Variants in LRFN5 observed in about 807,000 individuals in gnomAD.
LRFN5 encodes leucine-rich repeat and fibronectin type-III domain-containing protein 5.
Under a neutral mutation model 45.6 loss-of-function variants are expected in LRFN5, and 24 were observed. The observed-to-expected ratio is 0.53, with a 90% confidence interval of 0.38 to 0.74. The LOEUF (loss-of-function observed/expected upper bound fraction) is 0.74. LRFN5 is among the 30% of genes least tolerant of loss of function. The pLI is 0.00. For synonymous variants in LRFN5, 340 were observed against 313.8 expected (o/e 1.08, Z -0.88); for missense variants, 776 against 861.5 (o/e 0.90, Z 1.24).
chr14:41,643,211 G>A (rs548945555), intron 1 of LRFN5, among the ~76,000 whole-genome samples: 6 of 151,910 alleles, frequency 3.9e-5, no homozygotes, highest in Non-Finnish European at 5.9e-5. Context: ...AAGAGAAAAA[G>A]GTATAAATAG....
intron 1 of LRFN5, among the ~76,000 whole-genome samples, chr14:41,656,924 A>G (rs745380874): frequency 6.6e-6 from 1 of 151,854 alleles, no homozygotes; most frequent in African/African-American, 2.4e-5. Flanking sequence ...ATTTTTTTAT[A>G]TCATTTTACC....
chr14:41,683,303 T>C (rs1358450968), intron 1 of LRFN5, among the ~76,000 whole-genome samples: 2 of 152,096 alleles, frequency 1.3e-5, no homozygotes, highest in African/African-American at 4.8e-5. Flanking sequence ...CAACTGAGTA[T>C]AGAAGGAAGA....
intron 4 of LRFN5, chr14:41,892,454 T>C (rs908767869): frequency 2.0e-6 from 2 of 983,092 alleles, no homozygotes; most frequent in East Asian, 2.3e-4. Flanking sequence ...ATTAAAAAAA[T>C]GAAAATTGTT....
intron 2 of LRFN5, among the ~76,000 whole-genome samples, chr14:41,831,305 A>AAC (rs1888471832): frequency 6.6e-6 from 1 of 152,292 alleles, no homozygotes; most frequent in South Asian, 2.1e-4. Flanking sequence ...AATCACTACT[A>AAC]ACACATTTTA....
intron 2 of LRFN5, among the ~76,000 whole-genome samples, chr14:41,846,842 G>A (rs923388519): frequency 6.6e-6 from 1 of 152,056 alleles, no homozygotes; most frequent in Non-Finnish European, 1.5e-5. Flanking sequence ...CTGGCTGTCA[G>A]GTCAGGACCA....
At chr14:41,826,972 A>AAAATAAGTAATTATTT (rs1888319703) in intron 2 of LRFN5, among the ~76,000 whole-genome samples, 1 of 150,578 alleles carries the variant, frequency 6.6e-6, no homozygotes. Flanking sequence ...TTTGATTCAC[A>AAAATAAGTAATTATTT]TTGAGTAAAA....
At chr14:41,691,453 A>T (rs774356634) in intron 1 of LRFN5, among the ~76,000 whole-genome samples, 1 of 152,092 alleles carries the variant, frequency 6.6e-6, no homozygotes, top group Non-Finnish European at 1.5e-5. Context: ...ACTCTTTATG[A>T]TTTCAATGCT....
At chr14:41,751,772 T>G (rs1389383818) in intron 1 of LRFN5, among the ~76,000 whole-genome samples, 2 of 152,172 alleles carry the variant, frequency 1.3e-5, no homozygotes, top group Non-Finnish European at 2.9e-5. Flanking sequence ...TGTCATTTTT[T>G]TAAAATTATA....
At chr14:41,651,780 CAA>C (rs1397056191) in intron 1 of LRFN5, among the ~76,000 whole-genome samples, 7 of 152,174 alleles carry the variant, frequency 4.6e-5, no homozygotes, top group Non-Finnish European at 1.0e-4. Context: ...AGCTTATTTG[CAA>C]AGACTAGATG....
At chr14:41,650,266 C>CACACACAAAAAAA (rs1247683262) in intron 1 of LRFN5, among the ~76,000 whole-genome samples, 52 of 135,504 alleles carry the variant, frequency 3.8e-4, no homozygotes, top group African/African-American at 1.2e-3. Flanking sequence ...CACACACACA[C>CACACACAAAAAAA]AAAAAAAAAA....
chr14:41,660,188 G>A (rs1483093386), intron 1 of LRFN5, among the ~76,000 whole-genome samples: 1 of 151,932 alleles, frequency 6.6e-6, no homozygotes, highest in African/African-American at 2.4e-5. Flanking sequence ...ACCATGCCCA[G>A]ATAATTTTTG....
At chr14:41,665,250 A>C (rs1391943185) in intron 1 of LRFN5, among the ~76,000 whole-genome samples, 3 of 151,956 alleles carry the variant, frequency 2.0e-5, no homozygotes, top group Non-Finnish European at 2.9e-5. Context: ...ACTTGCTGTA[A>C]TGTTTTCCAA....
chr14:41,750,672 G>A (rs1238418752), intron 1 of LRFN5, among the ~76,000 whole-genome samples: 1 of 151,952 alleles, frequency 6.6e-6, no homozygotes. Flanking sequence ...CCTAAGACTG[G>A]GTAATTTATA....
intron 1 of LRFN5, among the ~76,000 whole-genome samples, chr14:41,747,415 C>G (rs1348562547): frequency 6.6e-6 from 1 of 151,898 alleles, no homozygotes; most frequent in African/African-American, 2.4e-5. Context: ...GACAAGGTTG[C>G]CAACACCATT....
chr14:41,883,552 T>C (rs1293667537), intron 2 of LRFN5, among the ~76,000 whole-genome samples: 1 of 152,200 alleles, frequency 6.6e-6, no homozygotes, highest in African/African-American at 2.4e-5. Context: ...TTTTCATCTT[T>C]TATAAAAGTA....
chr14:41,803,954 C>T (rs1468959983), intron 2 of LRFN5, among the ~76,000 whole-genome samples: 1 of 152,128 alleles, frequency 6.6e-6, no homozygotes, highest in Non-Finnish European at 1.5e-5. Flanking sequence ...ACCTCTGCCT[C>T]CCAGGTTCAG....
chr14:41,669,841 A>T (rs1296484446), intron 1 of LRFN5, among the ~76,000 whole-genome samples: 1 of 151,896 alleles, frequency 6.6e-6, no homozygotes, highest in East Asian at 1.9e-4. Context: ...AAGTATGCTC[A>T]TAAAATGGAA....
chr14:41,796,394 C>G (rs902677730), intron 2 of LRFN5, among the ~76,000 whole-genome samples: 1 of 151,768 alleles, frequency 6.6e-6, no homozygotes, highest in Non-Finnish European at 1.5e-5. Flanking sequence ...GGTAGATAAG[C>G]AAATAAGTTG....
chr14:41,734,536 GTC>G (rs1884341962), intron 1 of LRFN5, among the ~76,000 whole-genome samples: 1 of 149,690 alleles, frequency 6.7e-6, no homozygotes, highest in Non-Finnish European at 1.5e-5. Flanking sequence ...ATTGTTTTCA[GTC>G]TCTGTGTGTG....
Sources: allele counts gnomAD v4.1 joint callset (sites outside exome capture counted in the v4.1 genomes callset), GRCh38; gene constraint gnomAD v4.1.1; transcripts MANE v1.5; gene names NCBI Gene and HGNC (gene_info 2026-07-23, HGNC 2026-07-21).